ASAP1: variants seen among roughly 807,000 people sequenced by gnomAD.
ASAP1 encodes arf-GAP with SH3 domain, ANK repeat and PH domain-containing protein 1.
Under a neutral mutation model 145.2 loss-of-function variants are expected in ASAP1, and 43 were observed. The observed-to-expected ratio is 0.30, with a 90% CI of 0.23 to 0.38. ASAP1 has a LOEUF of 0.38. ASAP1 is among the 10% of genes least tolerant of loss of function. The pLI, the probability that ASAP1 is intolerant of heterozygous loss-of-function variation, is 1.00. For missense variants in ASAP1, 1,018 were observed against 1,355.3 expected (o/e 0.75, Z 3.91); for synonymous variants, 546 against 515.5 (o/e 1.06, Z -0.80).
At chr8:130,234,151 C>G (rs1322306662) in intron 4 of ASAP1, among the ~76,000 whole-genome samples, 1 of 152,106 alleles carries the variant, frequency 6.6e-6, no homozygotes, top group Non-Finnish European at 1.5e-5. Context: ...GATACATGTT[C>G]TCCTACAGTA....
chr8:130,207,636 C>T (rs186849162), intron 5 of ASAP1, among the ~76,000 whole-genome samples: 124 of 152,264 alleles, frequency 8.1e-4, no homozygotes, highest in African/African-American at 2.8e-3. Flanking sequence ...AAGTAAGATG[C>T]TGAGTATTTT....
chr8:130,372,237 AATTT>A (rs1449309959), intron 2 of ASAP1, among the ~76,000 whole-genome samples: 2 of 152,250 alleles, frequency 1.3e-5, no homozygotes, highest in Admixed American at 6.5e-5. Context: ...TGAAGAAGCA[AATTT>A]ATTTACACAA....
intron 15 of ASAP1, among the ~76,000 whole-genome samples, chr8:130,129,164 A>G (rs1445031108): frequency 6.6e-6 from 1 of 152,216 alleles, no homozygotes; most frequent in Admixed American, 6.5e-5. Flanking sequence ...CCCTTCCACC[A>G]TAATTGTAAG....
chr8:130,128,126 T>C (rs374858568), intron 15 of ASAP1, 36 bp from the exon 16 acceptor site: 6 of 702,604 alleles, frequency 8.5e-6, no homozygotes, highest in South Asian at 2.8e-5. Context: ...AAAGTCTTTA[T>C]AAGAGCATGG....
rs139946461 is a variant in ASAP1 at position 130,158,039 on chromosome 8, T to C, written c.1010+1825A>G. ...CATACAGCAGGACTCAAAATATCTT[T>C]GTTGAATGCATGAGTAGAATAATAA... is the stretch of plus-strand genomic sequence containing the variant. On this transcript the variant is annotated intron_variant, in intron 12 of 29. Coordinates refer to ENST00000518721, the MANE Select transcript of ASAP1 (RefSeq NM_018482.4). Among the ~76,000 whole-genome samples the C allele has an allele frequency of 4.6e-5, 7 of 152,322 alleles. No homozygotes were observed. In the East Asian group the frequency reaches 1.3e-3, roughly 29 times the overall value.
At chr8:130,058,155 T>C in intron 28 of ASAP1, 79 bp from the exon 29 acceptor site, 1 of 1,536,730 alleles carries the variant, frequency 6.5e-7, no homozygotes, top group Non-Finnish European at 8.9e-7. Flanking sequence ...GTAAAATGGT[T>C]GACCTTGGCC....
chr8:130,141,477 T>G (rs1355302373), intron 13 of ASAP1, among the ~76,000 whole-genome samples: 2 of 152,108 alleles, frequency 1.3e-5, no homozygotes, highest in Non-Finnish European at 2.9e-5. Context: ...CCCATGATGT[T>G]CCATTTTTGT....
intron 3 of ASAP1, among the ~76,000 whole-genome samples, chr8:130,305,655 T>C (rs1042376891): frequency 6.6e-6 from 1 of 152,202 alleles, no homozygotes; most frequent in Non-Finnish European, 1.5e-5. Flanking sequence ...ATTACAGGCA[T>C]GAGCTACCAC....
rs1198286918 is a variant in ASAP1 at position 130,122,700 on chromosome 8, AAATC to A, written c.1607+1309_1607+1312del. Among the ~76,000 whole-genome samples the A allele has an allele frequency of 1.4e-4, 21 of 152,346 alleles. No individual in the cohort carries two copies. In the East Asian group the frequency reaches 3.5e-3, roughly 25 times the overall value. On this transcript the variant is annotated intron_variant, in intron 18 of 29. Coordinates refer to ENST00000518721, the MANE Select transcript of ASAP1 (RefSeq NM_018482.4). ...TATGAACTCCAGCAGTCTGGCTTCA[AAATC>A]TATGACCCTAACCACTACATTAGAG...
At chr8:130,146,685 T>C (rs890809137) in intron 13 of ASAP1, among the ~76,000 whole-genome samples, 1 of 152,160 alleles carries the variant, frequency 6.6e-6, no homozygotes, top group Non-Finnish European at 1.5e-5. Context: ...GTGCTTCTTT[T>C]AAAGCCCTGG....
chr8:130,144,696 G>T (rs562070170), intron 13 of ASAP1, among the ~76,000 whole-genome samples: 2 of 152,278 alleles, frequency 1.3e-5, no homozygotes, highest in East Asian at 3.9e-4. Flanking sequence ...TCCCCTGTGT[G>T]ATCCTTCAGA....
At chr8:130,156,585 A>C (rs2097658668) in intron 12 of ASAP1, among the ~76,000 whole-genome samples, 1 of 152,232 alleles carries the variant, frequency 6.6e-6, no homozygotes, top group Non-Finnish European at 1.5e-5. Context: ...AAGGGGGTGA[A>C]TTTGTGCCAG....
intron 27 of ASAP1, among the ~76,000 whole-genome samples, chr8:130,074,311 C>A (rs2097456850): frequency 6.6e-6 from 1 of 151,998 alleles, no homozygotes; most frequent in Non-Finnish European, 1.5e-5. Flanking sequence ...GAAAGAAGAT[C>A]AGGTATAAAC....
chr8:130,162,060 G>A (rs1238766443), intron 11 of ASAP1, among the ~76,000 whole-genome samples: 1 of 152,124 alleles, frequency 6.6e-6, no homozygotes, highest in African/African-American at 2.4e-5. Flanking sequence ...TTGGCCTTCC[G>A]AGGTGCTGGG....
chr8:130,115,569 A>G lies in ASAP1; in HGVS notation c.2172+59T>C. The stretch of plus-strand genomic sequence containing the variant: ...ATCTCACCAAAAATGGATCTTGTCT[A>G]CACAGACTAGAAAAGTTGGGGTAGT... On this transcript the variant is annotated intron_variant, in intron 23 of 29. Transcript: ENST00000518721. The G allele has an allele frequency of 3.8e-6, 5 of 1,321,102 alleles. No individual in the cohort carries two copies. In the South Asian group the frequency reaches 4.8e-5, roughly 13 times the overall value. 81.8% of individuals were successfully genotyped at this position (1,321,102 alleles called of 1,614,324 possible). A position where few individuals can be genotyped will look rare whatever the true frequency, so the allele number is the denominator to read the frequency against.
At chr8:130,141,545 C>T (rs2097611296) in intron 13 of ASAP1, among the ~76,000 whole-genome samples, 1 of 152,080 alleles carries the variant, frequency 6.6e-6, no homozygotes, top group South Asian at 2.1e-4. Flanking sequence ...TCCTGTCTTC[C>T]TTCTCACTAA....
At chr8:130,333,263 G>A (rs1358449692) in intron 3 of ASAP1, among the ~76,000 whole-genome samples, 1 of 152,190 alleles carries the variant, frequency 6.6e-6, no homozygotes, top group African/African-American at 2.4e-5. Context: ...ATCATCTTTA[G>A]TTGATGGGAT....
chr8:130,062,250 A>G (rs1021097784), intron 27 of ASAP1, among the ~76,000 whole-genome samples: 1 of 152,252 alleles, frequency 6.6e-6, no homozygotes, highest in African/African-American at 2.4e-5. Context: ...AGTGACTCAC[A>G]TTAGGAATTT....
At chr8:130,135,139 C>G (rs1429461271) in intron 14 of ASAP1, among the ~76,000 whole-genome samples, 1 of 152,208 alleles carries the variant, frequency 6.6e-6, no homozygotes, top group Non-Finnish European at 1.5e-5. Flanking sequence ...TGTGACTACT[C>G]TAGGCTAGGC....
Sources: gnomAD v4.1 joint callset for allele counts (sites outside exome capture counted in the v4.1 genomes callset) on GRCh38, gnomAD v4.1.1 for gene constraint, MANE v1.5 for transcripts, NCBI Gene and HGNC (gene_info 2026-07-23, HGNC 2026-07-21) for gene names.